KCNH4: variants seen among roughly 807,000 people sequenced by gnomAD.
KCNH4 encodes voltage-gated delayed rectifier potassium channel KCNH4.
Under a neutral mutation model 90.7 loss-of-function variants are expected in KCNH4, and 33 were observed. That is an observed-to-expected ratio of 0.36 (90% CI 0.28 to 0.49). The LOEUF (loss-of-function observed/expected upper bound fraction) is 0.49. KCNH4 is among the 20% of genes least tolerant of loss of function. KCNH4 has a pLI of 0.98. For missense variants in KCNH4, 1,044 were observed against 1,387.1 expected, an observed-to-expected ratio of 0.75 and a Z score of 3.93; for synonymous variants, 551 against 581.7, an observed-to-expected ratio of 0.95 and a Z score of 0.76.
Position 42,168,722 on chromosome 17 carries a change from C to T in KCNH4, c.1590+755G>A, listed in dbSNP as rs548322350. On this transcript the variant is annotated intron_variant, in intron 9 of 16. Transcript: ENST00000264661. Reference sequence around the variant, plus strand: ...CCCTTGTGAACAATACCTCACCCCCCGGGCCCTGTTTGCCTCCCTTTTATT... The same window carrying T: ...CCCTTGTGAACAATACCTCACCCCCTGGGCCCTGTTTGCCTCCCTTTTATT... 1.2e-4 allele frequency among the ~76,000 whole-genome samples: 18 copies of T among 152,152 alleles called. No homozygotes were observed. The South Asian group carries it at 3.1e-3, about 26-fold the overall frequency.
rs774750302 is a variant in KCNH4, at chr17:42,178,781, G to T, written c.310+12C>A. ...TCTAGGCAGAGCTGCAGGGTGGGGT[G>T]AGCCCCCTCACCATCCTTGCGGTAG... is the stretch of plus-strand genomic sequence containing the variant. On this transcript the variant is annotated intron_variant, in intron 2 of 16. Transcript: ENST00000264661. 2 of 1,605,796 alleles carry T rather than the reference G, an allele frequency of 1.2e-6. No homozygotes were observed. Among genetic ancestry groups the T allele is most frequent in the South Asian group, 2.2e-5 (2 of 90,888 alleles).
Position 42,166,406 on chromosome 17 carries a change from G to A in KCNH4, c.1731C>T (p.Cys577=), listed in dbSNP as rs143728140. ...GGCGCAACAGGTACTCGCCCGGAGC[G>A]CAGAACGAGGTCTTGATGTGCAGCG... ...ALSLHIKTSF[C]APGEYLLRRG... Residue 577 remains cysteine, a synonymous_variant, in exon 10 of 17, where the codon TGC becomes TGT. Coordinates refer to ENST00000264661, the MANE Select transcript of KCNH4 (RefSeq NM_012285.3). 841 of 1,614,038 alleles carry A rather than the reference G, an allele frequency of 5.2e-4. 9 individuals are homozygous for A. In the South Asian group the frequency reaches 5.4e-3, roughly 10 times the overall value.
At chr17:42,168,772 A>ATTTTTTTTTTTTTTTTTTTTTTTT (rs1568034449) in intron 9 of KCNH4, among the ~76,000 whole-genome samples, 1 of 150,548 alleles carries the variant, frequency 6.6e-6, no homozygotes, top group African/African-American at 2.4e-5. Flanking sequence ...TTTTATTTTT[A>ATTTTTTTTTTTTTTTTTTTTTTTT]TTTTTATTTT....
chr17:42,178,243 G>A lies in KCNH4; in HGVS notation c.458-16C>T. The A allele has an allele frequency of 6.2e-7, 1 of 1,614,244 alleles. No homozygotes were observed. Among genetic ancestry groups the A allele is most frequent in the East Asian group, 2.2e-5 (1 of 44,892 alleles). On this transcript the variant is annotated splice_polypyrimidine_tract_variant and intron_variant, in intron 3 of 16. Transcript: ENST00000264661. Reference sequence around the variant, plus strand: ...AGGGAGTTTTCTGTTGGGAAGAAAGGTGCAGAGATACGTTGGGGCACATCC... The same window carrying A: ...AGGGAGTTTTCTGTTGGGAAGAAAGATGCAGAGATACGTTGGGGCACATCC...
In KCNH4 at chr17:42,163,740, G is replaced by A. The variant is rs1467231947; in HGVS notation, c.2343C>T (p.Ser781=). ...ALVSSPSLSP[S]LSPALAGQGH... ...CCTGGCCAGCCAGGGCAGGGGACAGGGATGGGGATAAGGAAGGAGAGGAGA... is the reference window on the plus strand; with the variant it reads ...CCTGGCCAGCCAGGGCAGGGGACAGAGATGGGGATAAGGAAGGAGAGGAGA... Residue 781 remains serine, a synonymous_variant, in exon 13 of 17, where the codon TCC becomes TCT. Transcript: ENST00000264661. The surrounding 1 kb of genome is among the most constrained non-coding windows in gnomAD (Gnocchi z 5.4). The A allele has an allele frequency of 6.4e-7, 1 of 1,558,670 alleles. No homozygotes were observed. The highest frequency in any genetic ancestry group is 8.7e-7 in the Non-Finnish European group (1 of 1,155,474).
At chr17:42,176,894 T>G (rs769203208) in intron 4 of KCNH4, among the ~76,000 whole-genome samples, 13 of 151,622 alleles carry the variant, frequency 8.6e-5, no homozygotes, top group Non-Finnish European at 1.3e-4. Flanking sequence ...CCAACTTGAT[T>G]TTTACATTTT....
At position 42,180,279 on chromosome 17, in the gene KCNH4, T is replaced by C. The variant is rs1242221660; in HGVS notation, c.76+591A>G. 1.4e-5 allele frequency among the ~76,000 whole-genome samples: 2 copies of C among 147,118 alleles called. No individual in the cohort carries two copies. The highest frequency in any genetic ancestry group is 3.0e-5 in the Non-Finnish European group (2 of 66,476). On this transcript the variant is annotated intron_variant, in intron 1 of 16. Transcript: ENST00000264661. The surrounding 1 kb of genome is among the most constrained non-coding windows in gnomAD (Gnocchi z 4.7). ...GGCGGGAGAAGAGGCGGGGGAGGAG[T>C]GATGTGGCTGTCCAAGGTGCTGAAC...
At chr17:42,175,297 C>A (rs571591829) in intron 6 of KCNH4, among the ~76,000 whole-genome samples, 2 of 152,320 alleles carry the variant, frequency 1.3e-5, no homozygotes, top group East Asian at 3.9e-4. Context: ...GTGAAAAGTA[C>A]CACTCATTTG....
rs1598280335 is a variant in KCNH4, at chr17:42,180,727, A to C, written c.76+143T>G. ...AGGGCACTCCCCGCCCTGTTCCTGC[A>C]CCGCGGCTTTGGGAGTTCCTAGACC... On this transcript the variant is annotated intron_variant, in intron 1 of 16. Coordinates refer to ENST00000264661, the MANE Select transcript of KCNH4 (RefSeq NM_012285.3). This position sits in a 1 kb window ranked among gnomAD's most constrained non-coding sequence, Gnocchi z 4.7. The C allele has an allele frequency of 2.5e-6, 2 of 785,360 alleles. No individual in the cohort carries two copies. The highest frequency in any genetic ancestry group is 1.8e-5 in the African/African-American group (1 of 54,242). 48.6% of individuals were successfully genotyped at this position (785,360 alleles called of 1,614,324 possible).
rs1384755647 is a variant in KCNH4, at chr17:42,166,441, G to T, written c.1696C>A (p.Arg566=). 1.9e-6 allele frequency: 3 copies of T among 1,614,000 alleles called. No individual in the cohort carries two copies. The African/African-American group carries it at 4.0e-5, about 22-fold the overall frequency. The change falls in exon 10 of 17, where the codon CGG becomes AGG. Residue 566 remains arginine (R), a synonymous_variant. Transcript: ENST00000264661. ...LFGAASRGCL[R]ALSLHIKTSF... is the part of the protein sequence containing the mutation. ...GTCTTGATGTGCAGCGATAGGGCCCGCAGGCAGCCCCTGCTCGCTGCCCCG... is the reference window on the plus strand; with the variant it reads ...GTCTTGATGTGCAGCGATAGGGCCCTCAGGCAGCCCCTGCTCGCTGCCCCG...
chr17:42,169,085 A>AT (rs1333765628), intron 9 of KCNH4, among the ~76,000 whole-genome samples: 9 of 122,642 alleles, frequency 7.3e-5, no homozygotes, highest in African/African-American at 3.0e-4. Flanking sequence ...CATTTTATTT[A>AT]TTTATTTTTT....
intron 14 of KCNH4, 71 bp from the exon 15 acceptor site, chr17:42,162,392 C>T (rs2079755206): frequency 7.4e-7 from 1 of 1,359,626 alleles, no homozygotes; most frequent in Non-Finnish European, 1.0e-6. Flanking sequence ...GGCTGGAATC[C>T]TCCTGTCATT....
At chr17:42,166,157 G>T in intron 10 of KCNH4, 140 bp downstream of exon 10, 1 of 1,081,016 alleles carries the variant, frequency 9.3e-7, no homozygotes. Flanking sequence ...CGGAGGGACC[G>T]AGAGAGTACT....
chr17:42,179,873 G>T (rs1598279805), intron 1 of KCNH4, among the ~76,000 whole-genome samples: 2 of 152,236 alleles, frequency 1.3e-5, no homozygotes, highest in East Asian at 3.8e-4. Flanking sequence ...AGCTCCAATG[G>T]GTGGGAGGCC....
intron 14 of KCNH4, 146 bp from the exon 15 acceptor site, chr17:42,162,467 T>C: frequency 1.6e-6 from 1 of 625,386 alleles, no homozygotes; most frequent in Non-Finnish European, 2.8e-6. Flanking sequence ...CTAAACTCCT[T>C]AGCCTGGTTC....
At chr17:42,169,923 C>T (rs2079815161) in intron 8 of KCNH4, among the ~76,000 whole-genome samples, 184 bp downstream of exon 8, 1 of 152,224 alleles carries the variant, frequency 6.6e-6, no homozygotes, top group Admixed American at 6.5e-5. Flanking sequence ...AAGTCCACGC[C>T]TGTTTGTGGC....
rs191329438 is a variant in KCNH4, at chr17:42,165,468, C to T, written c.2066G>A (p.Arg689His). The change falls in exon 11 of 17, where the codon CGC (arginine) becomes CAC (histidine). Residue 689 changes from arginine (R) to histidine (H), a missense_variant. Arg to His is a conservative substitution (Grantham distance 29, BLOSUM62 0). Coordinates refer to ENST00000264661, the MANE Select transcript of KCNH4 (RefSeq NM_012285.3). Reference protein sequence around the residue: ...GLPRDLTFNLRQGSDTSGLSR... With the variant: ...GLPRDLTFNLHQGSDTSGLSR... ...ACATACACTGGTGTCAGAGCCCTGGCGCAGGTTGAAGGTGAGGTCCCGGGG... is the reference window on the plus strand; with the variant it reads ...ACATACACTGGTGTCAGAGCCCTGGTGCAGGTTGAAGGTGAGGTCCCGGGG... The T allele has an allele frequency of 1.4e-5, 23 of 1,614,056 alleles. No individual in the cohort carries two copies. The highest frequency in any genetic ancestry group is 1.3e-4 in the East Asian group (6 of 44,878).
rs921254446 is a variant in KCNH4 at position 42,163,859 on chromosome 17, G to A, written c.2224C>T (p.Arg742Trp). 2 of 1,512,464 alleles carry A rather than the reference G, an allele frequency of 1.3e-6. No individual in the cohort carries two copies. The highest frequency in any genetic ancestry group is 1.3e-5 in the South Asian group (1 of 78,834). The allele number at this position is 1,512,464 out of a possible 1,614,324, so 93.7% of individuals were successfully genotyped here. Residue 742 changes from arginine to tryptophan, a missense_variant, in exon 13 of 17, where the codon CGG becomes TGG. This residue lies in a region of KCNH4 where 441 missense variants were observed against 512.3 expected (regional missense o/e 0.86). Transcript: ENST00000264661. This position sits in a 1 kb window ranked among gnomAD's most constrained non-coding sequence, Gnocchi z 5.4. ...CTGAGGTTGGGCAGCAGGAGGGGCC[G>A]TCGGGGCCTGGGACCACCCCCAGGC... The part of the protein sequence containing the change: ...AEPGGGPRPR[R>W]PLLLPNLSPA...
intron 8 of KCNH4, 64 bp from the exon 9 acceptor site, chr17:42,169,740 A>G (rs2079813967): frequency 1.3e-6 from 2 of 1,543,690 alleles, no homozygotes; most frequent in Non-Finnish European, 1.8e-6. Flanking sequence ...CCAGCTCCCA[A>G]ACCCACCCTG....
Sources: gnomAD v4.1 joint callset for allele counts (sites outside exome capture counted in the v4.1 genomes callset) on GRCh38, gnomAD v4.1.1 for gene constraint, gnomAD v4.1.1 regional missense constraint, Gnocchi (gnomAD v3.1) non-coding constraint, MANE v1.5 for transcripts, NCBI Gene and HGNC (gene_info 2026-07-23, HGNC 2026-07-21) for gene names.